SVOPL: variants seen among roughly 807,000 people sequenced by gnomAD.
The protein encoded by SVOPL is putative transporter SVOPL.
SVOPL carries 60 observed loss-of-function variants against 61.0 expected under a neutral mutation model. The observed-to-expected ratio is 0.98, with a 90% confidence interval of 0.80 to 1.22. The LOEUF (loss-of-function observed/expected upper bound fraction) is 1.22, where lower values mean the gene tolerates loss of function less well. Ranked by LOEUF, SVOPL falls within the 50% of genes most tolerant of loss-of-function variation. The pLI is 0.00. For synonymous variants in SVOPL, 279 were observed against 250.0 expected (o/e 1.12, Z -1.09); for missense variants, 662 against 643.9 (o/e 1.03, Z -0.30).
chr7:138,669,819 G>A (rs920586202), intron 4 of SVOPL, among the ~76,000 whole-genome samples: 1 of 152,098 alleles, frequency 6.6e-6, no homozygotes, highest in Non-Finnish European at 1.5e-5. Flanking sequence ...ATAAAATTTT[G>A]TATGCCTTTT....
intron 14 of SVOPL, among the ~76,000 whole-genome samples, chr7:138,599,445 G>A (rs1426962773): frequency 6.6e-6 from 1 of 152,152 alleles, no homozygotes; most frequent in African/African-American, 2.4e-5. Context: ...TATTATAACA[G>A]GGAAATGTTT....
Position 138,631,813 on chromosome 7 carries a change from C to G in SVOPL, c.790-1691G>C, listed in dbSNP as rs991469592. Among the ~76,000 whole-genome samples the G allele has an allele frequency of 1.1e-4, 17 of 152,126 alleles. No individual in the cohort carries two copies. In the East Asian group the frequency reaches 3.3e-3, roughly 29 times the overall value. ...CAAACTCCTGACTTCAAGTGATCCA[C>G]CCGCCTTGGCCTCCCAAAGTGCTTA... On this transcript the variant is annotated intron_variant, in intron 9 of 15. Transcript: ENST00000674285.
intron 1 of SVOPL, among the ~76,000 whole-genome samples, chr7:138,691,546 G>A (rs773295462): frequency 3.3e-5 from 5 of 152,054 alleles, no homozygotes; most frequent in Admixed American, 1.3e-4. Context: ...TGTTGCTGTC[G>A]TTGTTGTTTT....
chr7:138,628,534 A>T (rs1420351223), intron 10 of SVOPL, among the ~76,000 whole-genome samples, 171 bp from the exon 11 acceptor site: 2 of 152,180 alleles, frequency 1.3e-5, no homozygotes, highest in Non-Finnish European at 2.9e-5. Context: ...CATCATACAG[A>T]TGTACACATG....
chr7:138,632,007 C>A (rs550830410), intron 9 of SVOPL, among the ~76,000 whole-genome samples: 8 of 151,178 alleles, frequency 5.3e-5, no homozygotes, highest in East Asian at 1.9e-4. Context: ...TACACCCCAC[C>A]TGGTTCTAAG....
intron 14 of SVOPL, chr7:138,597,133 G>A (rs1335863709): frequency 1.0e-5 from 13 of 1,284,046 alleles, no homozygotes; most frequent in Non-Finnish European, 1.3e-5. Flanking sequence ...CGCAGATACT[G>A]GTAATTCAGA....
intron 14 of SVOPL, among the ~76,000 whole-genome samples, chr7:138,616,412 C>T (rs113889081): frequency 6.6e-6 from 1 of 151,720 alleles, no homozygotes; most frequent in African/African-American, 2.4e-5. Context: ...TCTTGACTCA[C>T]CACAAACTCC....
intron 8 of SVOPL, chr7:138,646,232 T>C: frequency 5.9e-6 from 1 of 169,448 alleles, no homozygotes; most frequent in Non-Finnish European, 1.3e-5. Flanking sequence ...CCATAACCTG[T>C]TTGTTTACAA....
intron 1 of SVOPL, among the ~76,000 whole-genome samples, chr7:138,681,379 A>G (rs1471246977): frequency 6.7e-6 from 1 of 150,288 alleles, no homozygotes; most frequent in African/African-American, 2.4e-5. Flanking sequence ...TATAATAAAT[A>G]AACATAAACA....
intron 7 of SVOPL, among the ~76,000 whole-genome samples, chr7:138,654,613 C>T (rs1464185833): frequency 1.3e-5 from 2 of 150,790 alleles, no homozygotes; most frequent in African/African-American, 2.4e-5. Flanking sequence ...GATTCTCCTG[C>T]CTCAGCCTCC....
At chr7:138,639,927 A>C (rs534099448) in intron 9 of SVOPL, among the ~76,000 whole-genome samples, 142 of 144,192 alleles carry the variant, frequency 9.8e-4, no homozygotes, top group African/African-American at 3.6e-3. Context: ...TTTTTTTTTT[A>C]GCGGGGAGCG....
At chr7:138,676,569 T>C (rs1004169285) in intron 3 of SVOPL, among the ~76,000 whole-genome samples, 3 of 148,792 alleles carry the variant, frequency 2.0e-5, no homozygotes, top group African/African-American at 7.8e-5. Context: ...CACTATCTCA[T>C]TGGCATCACC....
chr7:138,628,440 G>A (rs942946346), intron 10 of SVOPL, 77 bp from the exon 11 acceptor site: 1 of 1,445,948 alleles, frequency 6.9e-7, no homozygotes, highest in Non-Finnish European at 9.5e-7. Context: ...GATACCAAGT[G>A]GAACGTGTAG....
chr7:138,622,206 C>CTATCTATG (rs1799676365), intron 13 of SVOPL, among the ~76,000 whole-genome samples: 4 of 65,546 alleles, frequency 6.1e-5, no homozygotes, highest in African/African-American at 1.9e-4. Flanking sequence ...ATCTATGTAT[C>CTATCTATG]TATCTATCTA....
intron 1 of SVOPL, among the ~76,000 whole-genome samples, chr7:138,679,507 A>T (rs749042894): frequency 6.6e-6 from 1 of 152,132 alleles, no homozygotes; most frequent in Non-Finnish European, 1.5e-5. Flanking sequence ...TTCTGACCTC[A>T]GGTGATCCGC....
At chr7:138,678,879 G>T (rs1045325873) in intron 2 of SVOPL, 85 bp downstream of exon 2, 3 of 1,384,194 alleles carry the variant, frequency 2.2e-6, no homozygotes, top group South Asian at 2.6e-5. Flanking sequence ...TGCTTCTTTT[G>T]ACCTCACCTT....
At chr7:138,604,425 G>C (rs776981838) in intron 14 of SVOPL, among the ~76,000 whole-genome samples, 1 of 152,118 alleles carries the variant, frequency 6.6e-6, no homozygotes, top group Non-Finnish European at 1.5e-5. Flanking sequence ...TGTAATCCCA[G>C]CACATTGGGA....
At chr7:138,596,188 TAA>T (rs34972084) in intron 15 of SVOPL, among the ~76,000 whole-genome samples, 8,352 of 120,218 alleles carry the variant, frequency 0.069, 291 homozygotes, top group Middle Eastern at 0.11. Context: ...GACTCTGTCT[TAA>T]AAAAAAAAAA....
intron 14 of SVOPL, among the ~76,000 whole-genome samples, chr7:138,620,108 G>GT (rs1196494059): frequency 3.1e-5 from 4 of 129,260 alleles, no homozygotes; most frequent in Admixed American, 8.1e-5. Flanking sequence ...TTTCTTTTTT[G>GT]TTTTTTTTCT....
Sources: allele counts gnomAD v4.1 joint callset (sites outside exome capture counted in the v4.1 genomes callset), GRCh38; gene constraint gnomAD v4.1.1; transcripts MANE v1.5; gene names NCBI Gene and HGNC (gene_info 2026-07-23, HGNC 2026-07-21).